The following HMOX1 variants were observed in gnomAD, a reference collection of about 807,000 sequenced individuals.
HMOX1 encodes the protein heat shock protein, 32-kD.
A neutral mutation model predicts 27.8 loss-of-function variants in HMOX1; 22 were observed. That is an observed-to-expected ratio of 0.79 (90% CI 0.57 to 1.13). The LOEUF is 1.13. Among genes scored for constraint, HMOX1 ranks in the 50% most tolerant of loss-of-function variants. The pLI is 0.00. For missense variants in HMOX1, 379 were observed against 377.7 expected, an observed-to-expected ratio of 1.00 and a Z score of -0.03; for synonymous variants, 153 against 151.6, an observed-to-expected ratio of 1.01 and a Z score of -0.07.
intron 1 of HMOX1, among the ~76,000 whole-genome samples, chr22:35,382,496 C>T (rs368312253): frequency 6.7e-5 from 10 of 150,060 alleles, no homozygotes; most frequent in East Asian, 2.0e-4. Context: ...GGATTACAGG[C>T]GCCCACTACC....
At chr22:35,392,164 C>T (rs947103857) in intron 4 of HMOX1, among the ~76,000 whole-genome samples, 2 of 144,456 alleles carry the variant, frequency 1.4e-5, no homozygotes, top group Non-Finnish European at 3.0e-5. Flanking sequence ...GCAGAGGTTG[C>T]AGTGAGCCGA....
At position 35,387,107 on chromosome 22, in the gene HMOX1, G is replaced by A; in HGVS notation, c.567G>A (p.Leu189=). Residue 189 remains leucine (L), a synonymous_variant, in exon 3 of 5, where the codon CTG becomes CTA. Transcript: ENST00000216117. The stretch of plus-strand genomic sequence containing the variant: ...TCTACCGCTCCCGCATGAACTCCCT[G>A]GAGATGACTCCCGCAGTCAGGCAGA... The part of the protein sequence containing the change: ...KQLYRSRMNS[L]EMTPAVRQRV... 6.2e-7 allele frequency: 1 copy of A among 1,613,618 alleles called. No homozygotes were observed. The highest frequency in any genetic ancestry group is 8.5e-7 in the Non-Finnish European group (1 of 1,180,038).
intron 4 of HMOX1, among the ~76,000 whole-genome samples, chr22:35,391,454 A>AT (rs561997315): frequency 6.7e-6 from 1 of 150,242 alleles, no homozygotes; most frequent in East Asian, 2.0e-4. Context: ...TGCCTGGCTA[A>AT]TTTTTTGTAT....
At position 35,389,252 on chromosome 22, in the gene HMOX1, C is replaced by CTTTTTTCTTTCTTT. The variant is rs1569057162; in HGVS notation, c.637-611_637-610insTTTTTCTTTCTTTT. Reference sequence around the variant, plus strand: ...TTCTTTCTTTCTTTTTCTTTCTTTTCTCTCTCTCTCTCTCTCTCTCTCCTC... The same window carrying CTTTTTTCTTTCTTT: ...TTCTTTCTTTCTTTTTCTTTCTTTTCTTTTTTCTTTCTTTTCTCTCTCTCTCTCTCTCTCTCCTC... On this transcript the variant is annotated intron_variant, in intron 3 of 4. Transcript: ENST00000216117. 4.8e-4 allele frequency among the ~76,000 whole-genome samples: 28 copies of CTTTTTTCTTTCTTT among 58,248 alleles called. 4 individuals carry two copies. The highest frequency in any genetic ancestry group is 2.8e-3 in the African/African-American group (28 of 9,982). 38.2% of individuals were successfully genotyped at this position (58,248 alleles called of 152,430 possible). A position where few individuals can be genotyped will look rare whatever the true frequency, so the allele number is the denominator to read the frequency against.
rs1931635112 is a variant in HMOX1 at position 35,389,385 on chromosome 22, T to TTCCTTCCC, written c.637-472_637-471insCTCCTTCC. Among the ~76,000 whole-genome samples, 11 of 75,082 alleles carry TTCCTTCCC rather than the reference T, an allele frequency of 1.5e-4. 1 individual carries two copies. In the South Asian group the frequency reaches 5.2e-3, roughly 35 times the overall value. The allele number at this position is 75,082 out of a possible 152,430, so 49.3% of individuals were successfully genotyped here. A position where few individuals can be genotyped will look rare whatever the true frequency, so the allele number is the denominator to read the frequency against. On this transcript the variant is annotated intron_variant, in intron 3 of 4. Transcript: ENST00000216117. ...CTTCCTTCCTTCCTTCCTTCCTTCC[T>TTCCTTCCC]TCCTTCCTTCCTTTCTTTCTTTCTT...
rs1555901570 is a variant in HMOX1, at chr22:35,389,296, C to CTTCT, written c.637-546_637-543dup. ...TCTCCTCTCTCTCTCTCTCTTCTTT[C>CTTCT]TTCTTTCTTTCTTTCTTTCTTTCTT... On this transcript the variant is annotated intron_variant, in intron 3 of 4. Coordinates refer to ENST00000216117, the MANE Select transcript of HMOX1 (RefSeq NM_002133.3). Among the ~76,000 whole-genome samples, 326 of 83,268 alleles carry CTTCT rather than the reference C, an allele frequency of 3.9e-3. 44 individuals are homozygous for CTTCT. The highest frequency in any genetic ancestry group is 0.014 in the Middle Eastern group (2 of 144). The allele number at this position is 83,268 out of a possible 152,430, so 54.6% of individuals were successfully genotyped here.
chr22:35,389,305 TTC>T (rs201490073), intron 3 of HMOX1, among the ~76,000 whole-genome samples: 5,272 of 129,288 alleles, frequency 0.041, 556 homozygotes, highest in Admixed American at 0.12. Context: ...TCTTCTTTCT[TTC>T]TTTCTTTCTT....
chr22:35,388,887 G>T (rs952187466), intron 3 of HMOX1, among the ~76,000 whole-genome samples: 1 of 152,092 alleles, frequency 6.6e-6, no homozygotes, highest in Non-Finnish European at 1.5e-5. Flanking sequence ...AGGAGCTACA[G>T]TTTCCTCATC....
At position 35,389,917 on chromosome 22, in the gene HMOX1, C is replaced by T. The variant is rs926378215; in HGVS notation, c.690C>T (p.Pro230=). The change falls in exon 4 of 5, where the codon CCC becomes CCT. Residue 230 remains proline, a synonymous_variant. Coordinates refer to ENST00000216117, the MANE Select transcript of HMOX1 (RefSeq NM_002133.3). The part of the protein sequence containing the change: ...LLTHDTKDQS[P]SRAPGLRQRA... ...CCCATGACACCAAGGACCAGAGCCC[C>T]TCACGGGCACCAGGGCTTCGCCAGC... 1 of 1,612,188 alleles carries T rather than the reference C, an allele frequency of 6.2e-7. No homozygotes were observed. Among genetic ancestry groups the T allele is most frequent in the Non-Finnish European group, 8.5e-7 (1 of 1,179,800 alleles).
chr22:35,390,020 G>C (rs1601744159), intron 4 of HMOX1, 57 bp downstream of exon 4: 8 of 1,062,308 alleles, frequency 7.5e-6, no homozygotes, highest in Non-Finnish European at 1.1e-5. Flanking sequence ...GGACTTGGCT[G>C]TCTGACTGTA....
chr22:35,389,190 T>TTTCTTTCC (rs1569057008), intron 3 of HMOX1, among the ~76,000 whole-genome samples: 1 of 82,550 alleles, frequency 1.2e-5, no homozygotes, highest in Non-Finnish European at 2.5e-5. Context: ...GGATATGAAT[T>TTTCTTTCC]TTCTTTCTTT....
intron 3 of HMOX1, among the ~76,000 whole-genome samples, chr22:35,388,197 T>A (rs1931554957): frequency 6.6e-6 from 1 of 152,190 alleles, no homozygotes; most frequent in Admixed American, 6.5e-5. Flanking sequence ...GTGCCTATAA[T>A]ACCAACACTT....
chr22:35,386,942 C>T lies in HMOX1; in HGVS notation c.402C>T (p.Tyr134=). 3 of 1,614,100 alleles carry T rather than the reference C, an allele frequency of 1.9e-6. No homozygotes were observed. The highest frequency in any genetic ancestry group is 2.5e-6 in the Non-Finnish European group (3 of 1,180,032). The stretch of plus-strand genomic sequence containing the variant: ...CCGAGCTGCTGGTGGCCCACGCCTA[C>T]ACCCGCTACCTGGGTGACCTGTCTG... ...TEPELLVAHA[Y]TRYLGDLSGG... The change falls in exon 3 of 5, where the codon TAC becomes TAT. Residue 134 remains tyrosine, a synonymous_variant. Coordinates refer to ENST00000216117, the MANE Select transcript of HMOX1 (RefSeq NM_002133.3).
intron 2 of HMOX1, among the ~76,000 whole-genome samples, chr22:35,385,910 C>T (rs957134143): frequency 1.3e-5 from 2 of 151,806 alleles, no homozygotes; most frequent in East Asian, 1.9e-4. Context: ...GGATTACAGG[C>T]GTGAGCCACC....
rs557349117 is a variant in HMOX1, at chr22:35,393,942, G to A, written c.*344G>A. On this transcript the variant is annotated 3_prime_UTR_variant, in exon 5 of 5. Coordinates refer to ENST00000216117, the MANE Select transcript of HMOX1 (RefSeq NM_002133.3). ...GAGTTTCAAGTATCCTTGTTGACAC[G>A]GCCATGACCACTTTCCCCGTGGGCC... 20 of 356,400 alleles carry A rather than the reference G, an allele frequency of 5.6e-5. No homozygotes were observed. Among genetic ancestry groups the A allele is most frequent in the African/African-American group, 1.3e-4 (6 of 47,452 alleles). The allele number at this position is 356,400 out of a possible 1,614,324, so 22.1% of individuals were successfully genotyped here. A position where few individuals can be genotyped will look rare whatever the true frequency, so the allele number is the denominator to read the frequency against.
chr22:35,389,079 T>C (rs1309532735), intron 3 of HMOX1, among the ~76,000 whole-genome samples: 1 of 152,130 alleles, frequency 6.6e-6, no homozygotes, highest in Non-Finnish European at 1.5e-5. Context: ...GCGGCCACAG[T>C]GAACTCTAAA....
At chr22:35,389,285 CT>C (rs1931609012) in intron 3 of HMOX1, among the ~76,000 whole-genome samples, 2 of 106,440 alleles carry the variant, frequency 1.9e-5, no homozygotes, top group Admixed American at 8.9e-5. Context: ...CTCTCTCTCT[CT>C]CTCTTCTTTC....
chr22:35,389,375 CCTTCCTTCCTTCCTTCCTTCCTTT>C (rs1169069203), intron 3 of HMOX1, among the ~76,000 whole-genome samples: 20 of 62,058 alleles, frequency 3.2e-4, no homozygotes, highest in South Asian at 5.7e-4. Flanking sequence ...TTCCTTCCTT[CCTTCCTTCCTTCCTTCCTTCCTTT>C]CTTTCTTTCT....
In HMOX1 at chr22:35,381,358, G is replaced by A. The variant is rs141876867; in HGVS notation, c.23+162G>A. ...CGGGGTTCTGATCCTGCCTGTGCCC[G>A]TAGGGTAGTTGGAGGGAGGAACGGT... On this transcript the variant is annotated intron_variant, in intron 1 of 4. Transcript: ENST00000216117. The A allele has an allele frequency of 2.9e-4, 234 of 796,766 alleles. 1 individual carries two copies. In the East Asian group the frequency reaches 6.0e-3, roughly 20 times the overall value. The allele number at this position is 796,766 out of a possible 1,614,324, so 49.4% of individuals were successfully genotyped here.
Sources: gnomAD v4.1 joint callset for allele counts (sites outside exome capture counted in the v4.1 genomes callset) on GRCh38, gnomAD v4.1.1 for gene constraint, MANE v1.5 for transcripts, NCBI Gene and HGNC (gene_info 2026-07-23, HGNC 2026-07-21) for gene names.